The following NSD3 variants were observed in gnomAD, a reference collection of about 807,000 sequenced individuals.
The protein encoded by NSD3 is nuclear receptor binding SET domain protein 3, also known as histone-lysine N-methyltransferase NSD3.
A neutral mutation model predicts 160.8 loss-of-function variants in NSD3; 24 were observed. The observed-to-expected ratio is 0.15, with a 90% CI of 0.11 to 0.21. The LOEUF (loss-of-function observed/expected upper bound fraction) is 0.21. Ranked by LOEUF, NSD3 falls within the 10% of genes least tolerant of loss-of-function variation. The pLI, the probability that NSD3 is intolerant of heterozygous loss-of-function variation, is 1.00. For synonymous variants in NSD3, 520 were observed against 600.0 expected (o/e 0.87, Z 1.95); for missense variants, 1,157 against 1,735.9 (o/e 0.67, Z 5.93).
At position 38,317,802 on chromosome 8, in the gene NSD3, G is replaced by A. The variant is rs1809705681; in HGVS notation, c.1855+1093C>T. Reference sequence around the variant, plus strand: ...TTGACTGTTAAAGCAATTGTTCAGAGTCTTGAAGAAGAAACCAGGCAGGAA... The same window carrying A: ...TTGACTGTTAAAGCAATTGTTCAGAATCTTGAAGAAGAAACCAGGCAGGAA... On this transcript the variant is annotated intron_variant, in intron 9 of 23. Coordinates refer to ENST00000317025, the MANE Select transcript of NSD3 (RefSeq NM_023034.2). The surrounding 1 kb of genome is among the most constrained non-coding windows in gnomAD (Gnocchi z 5.3). 11 of 1,452,870 alleles carry A rather than the reference G, an allele frequency of 7.6e-6. No homozygotes were observed. The highest frequency in any genetic ancestry group is 2.9e-5 in the African/African-American group (2 of 70,014). The allele number at this position is 1,452,870 out of a possible 1,614,324, so 90.0% of individuals were successfully genotyped here. A position where few individuals can be genotyped will look rare whatever the true frequency, so the allele number is the denominator to read the frequency against.
chr8:38,374,961 G>T (rs1395606800), intron 1 of NSD3, among the ~76,000 whole-genome samples: 5 of 151,946 alleles, frequency 3.3e-5, no homozygotes, highest in African/African-American at 1.2e-4. Flanking sequence ...CCGAGATCGC[G>T]CCCCTGCACT....
chr8:38,288,392 C>G lies in NSD3; in HGVS notation c.3501+95G>C. On this transcript the variant is annotated intron_variant, in intron 19 of 23. Coordinates refer to ENST00000317025, the MANE Select transcript of NSD3 (RefSeq NM_023034.2). This position sits in a 1 kb window ranked among gnomAD's most constrained non-coding sequence, Gnocchi z 4.5. Reference sequence around the variant, plus strand: ...AAGTTTTAACATTTTACCACAAATTCCTGCTGATTTTATCCCTAGAACTAT... The same window carrying G: ...AAGTTTTAACATTTTACCACAAATTGCTGCTGATTTTATCCCTAGAACTAT... 1 of 1,485,702 alleles carries G rather than the reference C, an allele frequency of 6.7e-7. No individual in the cohort carries two copies. The highest frequency in any genetic ancestry group is 9.0e-7 in the Non-Finnish European group (1 of 1,108,520). The allele number at this position is 1,485,702 out of a possible 1,614,324, so 92.0% of individuals were successfully genotyped here.
rs1038376004 is a variant in NSD3, at chr8:38,296,098, G to A, written c.2759-146C>T. On this transcript the variant is annotated intron_variant, in intron 15 of 23. Coordinates refer to ENST00000317025, the MANE Select transcript of NSD3 (RefSeq NM_023034.2). ...GGACTGAGTCATATCTACAGTGATG[G>A]ATTAAAATAGCAAGTGAACGTATTT... 132 of 834,008 alleles carry A rather than the reference G, an allele frequency of 1.6e-4. No homozygotes were observed. The African/African-American group carries it at 2.2e-3, about 14-fold the overall frequency. 51.7% of individuals were successfully genotyped at this position (834,008 alleles called of 1,614,324 possible).
At chr8:38,283,755 T>G (rs1808787531) in intron 19 of NSD3, among the ~76,000 whole-genome samples, 1 of 152,154 alleles carries the variant, frequency 6.6e-6, no homozygotes, top group Admixed American at 6.5e-5. Context: ...AGGTGACCAC[T>G]GGCTTTTTCT....
intron 1 of NSD3, among the ~76,000 whole-genome samples, chr8:38,378,226 C>T (rs913333022): frequency 2.6e-5 from 4 of 152,094 alleles, no homozygotes; most frequent in African/African-American, 9.7e-5. Context: ...TCCATCTTGG[C>T]CGGGCGTGTT....
chr8:38,289,460 C>G lies in NSD3; in HGVS notation c.3164G>C (p.Arg1055Thr), dbSNP rs748388944. The change falls in exon 18 of 24, where the codon AGA (arginine) becomes ACA (threonine). Residue 1055 changes from arginine (R) to threonine (T), a missense_variant. Physicochemically the swap from Arg to Thr is moderately conservative, Grantham distance 71. This residue lies in a region of NSD3 where 437 missense variants were observed against 576.6 expected (regional missense o/e 0.76). Coordinates refer to ENST00000317025, the MANE Select transcript of NSD3 (RefSeq NM_023034.2). ...AATCTCTAGGGCTTCTTTACTTTCT[C>G]TTTGTGCTTTCAATTCCTGGAAACG... ...AKRFQELKAQRESKEALEIEK... is the reference protein window; with the variant it reads ...AKRFQELKAQTESKEALEIEK... 1 of 1,613,748 alleles carries G rather than the reference C, an allele frequency of 6.2e-7. No individual in the cohort carries two copies. Among genetic ancestry groups the G allele is most frequent in the East Asian group, 2.2e-5 (1 of 44,838 alleles).
intron 15 of NSD3, among the ~76,000 whole-genome samples, chr8:38,298,469 A>G (rs969244412): frequency 6.6e-6 from 1 of 152,220 alleles, no homozygotes; most frequent in African/African-American, 2.4e-5. Context: ...GACAAAGAGC[A>G]AAGATACATC....
chr8:38,333,640 G>A (rs941255917), intron 4 of NSD3, among the ~76,000 whole-genome samples: 1 of 152,004 alleles, frequency 6.6e-6, no homozygotes, highest in East Asian at 1.9e-4. Flanking sequence ...GGCCGAGGCG[G>A]GTGGATCATG....
In NSD3 at chr8:38,361,547, A is replaced by C. The variant is rs1324982099; in HGVS notation, c.-44-13332T>G. On this transcript the variant is annotated intron_variant, in intron 1 of 23. Transcript: ENST00000317025. ...GAGGCGGGCGGATCACGAGGTCAGGAGATCGAGACCATCCTGGCTAACACG... is the reference window on the plus strand; with the variant it reads ...GAGGCGGGCGGATCACGAGGTCAGGCGATCGAGACCATCCTGGCTAACACG... Among the ~76,000 whole-genome samples, 24 of 150,684 alleles carry C rather than the reference A, an allele frequency of 1.6e-4. 1 individual carries two copies. The highest frequency in any genetic ancestry group is 1.6e-3 in the Admixed American group (24 of 15,150).
intron 1 of NSD3, among the ~76,000 whole-genome samples, chr8:38,364,454 T>A (rs546084976): frequency 6.6e-6 from 1 of 152,308 alleles, no homozygotes; most frequent in African/African-American, 2.4e-5. Flanking sequence ...ATCTCTCACA[T>A]AAGCAGAAGA....
In NSD3 at chr8:38,318,947, G is replaced by T. The variant is rs1232037422; in HGVS notation, c.1810-7C>A. 2 of 1,604,436 alleles carry T rather than the reference G, an allele frequency of 1.2e-6. No homozygotes were observed. Among genetic ancestry groups the T allele is most frequent in the South Asian group, 1.1e-5 (1 of 89,348 alleles). ...CCTGAGGAACTGTTTCAACCTGTTTGGACAGAAAAATACAGCATTAACAAA... is the reference window on the plus strand; with the variant it reads ...CCTGAGGAACTGTTTCAACCTGTTTTGACAGAAAAATACAGCATTAACAAA... On this transcript the variant is annotated splice_polypyrimidine_tract_variant and splice_region_variant and intron_variant, in intron 8 of 23. Coordinates refer to ENST00000317025, the MANE Select transcript of NSD3 (RefSeq NM_023034.2). The surrounding 1 kb of genome is among the most constrained non-coding windows in gnomAD (Gnocchi z 5.3).
intron 11 of NSD3, 118 bp from the exon 12 acceptor site, chr8:38,314,891 T>C: frequency 8.8e-7 from 1 of 1,139,916 alleles, no homozygotes; most frequent in Admixed American, 2.4e-5. Context: ...TCAGTAGGTC[T>C]GGCGGGGGCC....
rs141217559 is a variant in NSD3, at chr8:38,318,304, G to A, written c.1855+591C>T. ...ATCTCACCAAAAACGCACGAATCAT[G>A]CTATGGAGTTTGTACTGTAGTCAAA... On this transcript the variant is annotated intron_variant, in intron 9 of 23. Coordinates refer to ENST00000317025, the MANE Select transcript of NSD3 (RefSeq NM_023034.2). This position sits in a 1 kb window ranked among gnomAD's most constrained non-coding sequence, Gnocchi z 5.3. 7.9e-5 allele frequency among the ~76,000 whole-genome samples: 12 copies of A among 152,302 alleles called. No individual in the cohort carries two copies. In the East Asian group the frequency reaches 2.3e-3, roughly 29 times the overall value.
intron 6 of NSD3, among the ~76,000 whole-genome samples, chr8:38,328,091 T>C (rs1809960572): frequency 6.6e-6 from 1 of 152,012 alleles, no homozygotes; most frequent in African/African-American, 2.4e-5. Flanking sequence ...ATCTCAGTGC[T>C]TTGGAAGGCC....
rs1809118133 is a variant in NSD3 at position 38,295,673 on chromosome 8, T to C, written c.2915+123A>G. 4.4e-6 allele frequency: 4 copies of C among 899,434 alleles called. No individual in the cohort carries two copies. The South Asian group carries it at 9.4e-5, about 21-fold the overall frequency. The allele number at this position is 899,434 out of a possible 1,614,324, so 55.7% of individuals were successfully genotyped here. A position where few individuals can be genotyped will look rare whatever the true frequency, so the allele number is the denominator to read the frequency against. ...CCTCAAAACATGGTTCTTTTCTTTT[T>C]TTTTTTTAAGGAAGTAGGTCCATGC... On this transcript the variant is annotated intron_variant, in intron 16 of 23. Transcript: ENST00000317025.
At chr8:38,346,639 G>A (rs865911585) in intron 2 of NSD3, among the ~76,000 whole-genome samples, 1 of 151,978 alleles carries the variant, frequency 6.6e-6, no homozygotes, top group African/African-American at 2.4e-5. Context: ...TGGGACTTGT[G>A]AGAGTCTAGA....
intron 23 of NSD3, 24 bp downstream of exon 23, chr8:38,276,272 A>G (rs995785744): frequency 1.2e-6 from 2 of 1,611,306 alleles, no homozygotes; most frequent in African/African-American, 1.3e-5. Flanking sequence ...AAATTAGGGA[A>G]AGGGTCCTGA....
At chr8:38,346,912 T>C (rs1810552103) in intron 2 of NSD3, among the ~76,000 whole-genome samples, 1 of 152,192 alleles carries the variant, frequency 6.6e-6, no homozygotes, top group African/African-American at 2.4e-5. Context: ...ACATACTTAT[T>C]ATATTATTGC....
chr8:38,297,227 T>C (rs946842829), intron 15 of NSD3, among the ~76,000 whole-genome samples: 9 of 152,172 alleles, frequency 5.9e-5, no homozygotes, highest in Non-Finnish European at 1.0e-4. Flanking sequence ...TCTTTCCTTT[T>C]AGATACACAA....
Sources: gnomAD v4.1 joint callset for allele counts (sites outside exome capture counted in the v4.1 genomes callset) on GRCh38, gnomAD v4.1.1 for gene constraint, gnomAD v4.1.1 regional missense constraint, Gnocchi (gnomAD v3.1) non-coding constraint, MANE v1.5 for transcripts, NCBI Gene and HGNC (gene_info 2026-07-23, HGNC 2026-07-21) for gene names.